The following CEP170B variants were observed in gnomAD, a reference collection of about 807,000 sequenced individuals.
CEP170B encodes the protein centrosomal protein of 170 kDa protein B.
A neutral mutation model predicts 120.6 loss-of-function variants in CEP170B; 55 were observed. The observed-to-expected ratio is 0.46, with a 90% CI of 0.37 to 0.57. The LOEUF is 0.57. Ranked by LOEUF, CEP170B falls within the 20% of genes least tolerant of loss-of-function variation. CEP170B has a pLI of 0.00. For missense variants in CEP170B, 2,212 were observed against 2,253.3 expected, an observed-to-expected ratio of 0.98 and a Z score of 0.37; for synonymous variants, 1,033 against 954.5, an observed-to-expected ratio of 1.08 and a Z score of -1.52.
At chr14:104,872,125 G>A (rs908170098) in intron 2 of CEP170B, among the ~76,000 whole-genome samples, 3 of 151,050 alleles carry the variant, frequency 2.0e-5, no homozygotes, top group Non-Finnish European at 4.4e-5. Context: ...TGTGTGCGTC[G>A]TGTGTGTGCG....
intron 2 of CEP170B, among the ~76,000 whole-genome samples, chr14:104,869,164 G>C (rs1037399533): frequency 4.6e-5 from 7 of 152,190 alleles, no homozygotes; most frequent in African/African-American, 1.7e-4. Context: ...CGATCTGGCT[G>C]TTTGAGAACA....
At chr14:104,872,135 G>A (rs899354673) in intron 2 of CEP170B, among the ~76,000 whole-genome samples, 6 of 150,418 alleles carry the variant, frequency 4.0e-5, no homozygotes, top group Non-Finnish European at 7.4e-5. Flanking sequence ...GTGTGTGTGC[G>A]TGTGTGTGCC....
chr14:104,887,334 G>A lies in CEP170B; in HGVS notation c.3095G>A (p.Arg1032Lys), dbSNP rs779913744. The A allele has an allele frequency of 3.7e-6, 6 of 1,611,176 alleles. No homozygotes were observed. Among genetic ancestry groups the A allele is most frequent in the South Asian group, 1.1e-5 (1 of 90,940 alleles). Residue 1032 changes from arginine to lysine, a missense_variant, in exon 12 of 19, where the codon AGG (arginine) becomes AAG (lysine). Physicochemically the swap from Arg to Lys is conservative, Grantham distance 26. Transcript: ENST00000414716. ...RGEPVRRSAI[R>K]RGHRPRGSLD... is the part of the protein sequence containing the mutation. ...GAGCCGGTACGGCGCTCAGCCATAA[G>A]GCGTGGCCACAGGCCCCGAGGGTCC...
At chr14:104,885,569 G>T (rs1896438777) in intron 10 of CEP170B, 27 bp downstream of exon 10, 4 of 1,536,468 alleles carry the variant, frequency 2.6e-6, no homozygotes, top group African/African-American at 1.4e-5. Flanking sequence ...CCACCCCAAG[G>T]AGGGGCTGGG....
intron 5 of CEP170B, 129 bp downstream of exon 5, chr14:104,878,630 G>A (rs1895985731): frequency 1.0e-6 from 1 of 956,620 alleles, no homozygotes; most frequent in Admixed American, 2.1e-5. Context: ...TCAGGCTGCG[G>A]GTGCCATGAG....
rs764045653 is a variant in CEP170B at position 104,884,414 on chromosome 14, C to T, written c.1635C>T (p.Pro545=). 2.5e-5 allele frequency: 38 copies of T among 1,548,322 alleles called. No homozygotes were observed. Among genetic ancestry groups the T allele is most frequent in the East Asian group, 4.9e-5 (2 of 40,916 alleles). The change falls in exon 9 of 19, where the codon CCC becomes CCT. Residue 545 remains proline (P), a synonymous_variant. Transcript: ENST00000414716. ...TSPVGPPTPP[P]APTDPQLTKA... ...CCGTGGGCCCCCCGACCCCACCGCC[C>T]GCCCCCACGGACCCCCAGCTGACCA... is the stretch of plus-strand genomic sequence containing the variant.
chr14:104,879,716 C>T (rs1162335695), intron 5 of CEP170B, among the ~76,000 whole-genome samples: 2 of 152,184 alleles, frequency 1.3e-5, no homozygotes, highest in African/African-American at 2.4e-5. Context: ...GGCATCCTTG[C>T]GTGCCCTTTC....
At chr14:104,890,290 G>A (rs1438959188) in intron 13 of CEP170B, among the ~76,000 whole-genome samples, 3 of 126,846 alleles carry the variant, frequency 2.4e-5, no homozygotes, top group African/African-American at 5.9e-5. Context: ...GAGTGAGTGG[G>A]TGGATGGATG....
At chr14:104,871,714 C>T (rs1895494434) in intron 2 of CEP170B, among the ~76,000 whole-genome samples, 2 of 152,102 alleles carry the variant, frequency 1.3e-5, no homozygotes, top group African/African-American at 2.4e-5. Flanking sequence ...CCCAAGGAGC[C>T]GCAGCAGCAG....
Position 104,894,381 on chromosome 14 carries a change from G to A in CEP170B, c.4365+3G>A, listed in dbSNP as rs772692641. 4 of 1,613,004 alleles carry A rather than the reference G, an allele frequency of 2.5e-6. No homozygotes were observed. Among genetic ancestry groups the A allele is most frequent in the South Asian group, 1.1e-5 (1 of 91,072 alleles). ...CCATCCTGAAGACATCTAACAAGGT[G>A]AGCGCTGGGGCCCCGTGCCCCTTGG... On this transcript the variant is annotated splice_donor_region_variant and intron_variant, in intron 17 of 18. Transcript: ENST00000414716.
chr14:104,887,290 G>T lies in CEP170B; in HGVS notation c.3051G>T (p.Pro1017=), dbSNP rs781246514. The stretch of plus-strand genomic sequence containing the variant: ...AGAGGCAGCATCACCCACTTGGCCC[G>T]ACGGACATGGGCCGTGGAGAGCCGG... ...SSERQHHPLG[P]TDMGRGEPVR... is the part of the protein sequence containing the mutation. The change falls in exon 12 of 19, where the codon CCG becomes CCT. Residue 1017 remains proline (P), a synonymous_variant. Transcript: ENST00000414716. 1.2e-6 allele frequency: 2 copies of T among 1,609,474 alleles called. No homozygotes were observed. Among genetic ancestry groups the T allele is most frequent in the South Asian group, 1.1e-5 (1 of 90,838 alleles).
At chr14:104,876,400 G>T in intron 3 of CEP170B, 55 bp downstream of exon 3, 2 of 1,507,316 alleles carry the variant, frequency 1.3e-6, no homozygotes, top group Non-Finnish European at 1.8e-6. Context: ...TTCAGCCCTG[G>T]CCCCTCCCTC....
At chr14:104,866,485 C>G (rs997522895) in intron 1 of CEP170B, among the ~76,000 whole-genome samples, 1 of 152,116 alleles carries the variant, frequency 6.6e-6, no homozygotes, top group Non-Finnish European at 1.5e-5. Context: ...GCAGGGTCAT[C>G]GAAGTGCCAG....
At chr14:104,888,712 T>C (rs1380377465) in intron 12 of CEP170B, among the ~76,000 whole-genome samples, 6 of 152,258 alleles carry the variant, frequency 3.9e-5, no homozygotes, top group Non-Finnish European at 7.3e-5. Context: ...CCTTCTGCCC[T>C]GTGCACCCAC....
chr14:104,888,687 G>A (rs1896643082), intron 12 of CEP170B, among the ~76,000 whole-genome samples: 1 of 152,256 alleles, frequency 6.6e-6, no homozygotes, highest in African/African-American at 2.4e-5. Context: ...TGAGGTCAAG[G>A]TGCTGCTGCT....
intron 6 of CEP170B, among the ~76,000 whole-genome samples, chr14:104,881,603 T>C (rs558219809): frequency 1.6e-3 from 250 of 152,280 alleles, no homozygotes; most frequent in Non-Finnish European, 3.0e-3. Flanking sequence ...ATGCAGCTGG[T>C]GACAGCCAGT....
At chr14:104,878,411 TCTG>T (rs774519664) in intron 4 of CEP170B, 29 bp from the exon 5 acceptor site, 5 of 1,608,804 alleles carry the variant, frequency 3.1e-6, no homozygotes, top group East Asian at 2.2e-5. Context: ...TCCTGGCTCT[TCTG>T]CTCTGTGTTC....
Position 104,883,065 on chromosome 14 carries a change from G to C in CEP170B, c.608G>C (p.Gly203Ala), listed in dbSNP as rs780929584. ...CCCAAGGGACCAGTGCAGCAGGACGGGGAGCTCCACGGCTTCCGCGCCCCT... is the reference window on the plus strand; with the variant it reads ...CCCAAGGGACCAGTGCAGCAGGACGCGGAGCTCCACGGCTTCCGCGCCCCT... ...ERPKGPVQQD[G>A]ELHGFRAPAE... Residue 203 changes from glycine (G) to alanine (A), a missense_variant, in exon 8 of 19, where the codon GGG becomes GCG. By Grantham distance (60) the Gly-to-Ala change is moderately conservative. Coordinates refer to ENST00000414716, the MANE Select transcript of CEP170B (RefSeq NM_001112726.3). The C allele has an allele frequency of 5.2e-6, 8 of 1,551,470 alleles. No individual in the cohort carries two copies. The South Asian group carries it at 9.4e-5, about 18-fold the overall frequency.
At position 104,867,493 on chromosome 14, in the gene CEP170B, C is replaced by G. The variant is rs766798081; in HGVS notation, c.-27-931C>G. Among the ~76,000 whole-genome samples the G allele has an allele frequency of 6.6e-6, 1 of 152,172 alleles. No homozygotes were observed. Among genetic ancestry groups the G allele is most frequent in the Non-Finnish European group, 1.5e-5 (1 of 68,026 alleles). The stretch of plus-strand genomic sequence containing the variant: ...TGGTCACAGCTGGCTTAGCCCAGGC[C>G]GCCTAGCCCATAGCAGCACTCAGGA... On this transcript the variant is annotated intron_variant, in intron 1 of 18. Transcript: ENST00000414716. The surrounding 1 kb of genome is among the most constrained non-coding windows in gnomAD (Gnocchi z 5.4).
Sources: gnomAD v4.1 joint callset for allele counts (sites outside exome capture counted in the v4.1 genomes callset) on GRCh38, gnomAD v4.1.1 for gene constraint, Gnocchi (gnomAD v3.1) non-coding constraint, MANE v1.5 for transcripts, NCBI Gene and HGNC (gene_info 2026-07-23, HGNC 2026-07-21) for gene names.